The following ROR2 variants were observed in gnomAD, a reference collection of about 807,000 sequenced individuals.
The protein encoded by ROR2 is tyrosine-protein kinase transmembrane receptor ROR2.
ROR2 carries 33 observed loss-of-function variants against 74.9 expected under a neutral mutation model. The ratio of observed to expected loss-of-function variants is 0.44; its 90% CI spans 0.33 to 0.59. The LOEUF (loss-of-function observed/expected upper bound fraction) is 0.59. Among genes scored for constraint, ROR2 ranks in the 20% least tolerant of loss-of-function variants. The probability of loss-of-function intolerance (pLI) is 0.02; values close to 1 mark genes in which losing one functional copy is unlikely to be tolerated. For missense variants in ROR2, 1,216 were observed against 1,313.8 expected (o/e 0.93, Z 1.15); for synonymous variants, 586 against 558.7 (o/e 1.05, Z -0.69).
At chr9:91,860,093 G>A (rs893033947) in intron 1 of ROR2, among the ~76,000 whole-genome samples, 3 of 152,200 alleles carry the variant, frequency 2.0e-5, no homozygotes, top group Non-Finnish European at 2.9e-5. Flanking sequence ...GGAAGGCACA[G>A]GGAGAAACAG....
chr9:91,942,542 C>A (rs1265882923), intron 1 of ROR2, among the ~76,000 whole-genome samples: 1 of 152,164 alleles, frequency 6.6e-6, no homozygotes, highest in African/African-American at 2.4e-5. Context: ...TCAGTTGGCA[C>A]TTTGCTCTAG....
chr9:91,863,033 C>T (rs1279937595), intron 1 of ROR2, among the ~76,000 whole-genome samples: 1 of 152,222 alleles, frequency 6.6e-6, no homozygotes, highest in Admixed American at 6.5e-5. Flanking sequence ...ATACTTCACA[C>T]CTACTAGTTC....
Position 91,723,274 on chromosome 9 carries a change from T to C in ROR2, c.*388A>G. 5.3e-6 allele frequency: 1 copy of C among 189,574 alleles called. No homozygotes were observed. The highest frequency in any genetic ancestry group is 1.1e-5 in the Non-Finnish European group (1 of 91,458). The allele number at this position is 189,574 out of a possible 1,614,324, so 11.7% of individuals were successfully genotyped here. A position where few individuals can be genotyped will look rare whatever the true frequency, so the allele number is the denominator to read the frequency against. ...CCCGAGGTGCCTCCTCGCTGCCTTT[T>C]GCAGGCCCTTATTCCCAACGTTTTG... is the stretch of plus-strand genomic sequence containing the variant. On this transcript the variant is annotated 3_prime_UTR_variant, in exon 9 of 9. Transcript: ENST00000375708.
chr9:91,938,068 G>C (rs533043475), intron 1 of ROR2, among the ~76,000 whole-genome samples: 30 of 152,244 alleles, frequency 2.0e-4, no homozygotes, highest in African/African-American at 7.2e-4. Context: ...GAGTAAATAA[G>C]TAAATAAACA....
rs1464738655 is a variant in ROR2 at position 91,750,782 on chromosome 9, T to C, written c.494+5289A>G. Among the ~76,000 whole-genome samples the C allele has an allele frequency of 3.9e-5, 6 of 152,164 alleles. No individual in the cohort carries two copies. In the East Asian group the frequency reaches 1.2e-3, roughly 29 times the overall value. ...GAGTGTTGATTTGGGGGACACGAAG[T>C]TTAGTGAATAAGCAAATTTGCAAAT... On this transcript the variant is annotated intron_variant, in intron 4 of 8. Transcript: ENST00000375708.
chr9:91,949,752 C>A (rs578247776), intron 1 of ROR2, 115 bp downstream of exon 1: 1 of 731,784 alleles, frequency 1.4e-6, no homozygotes, highest in African/African-American at 1.8e-5. Flanking sequence ...CCTGGCGCCC[C>A]TCGTTCAGGA....
At chr9:91,857,736 C>A (rs1214264266) in intron 1 of ROR2, among the ~76,000 whole-genome samples, 2 of 152,154 alleles carry the variant, frequency 1.3e-5, no homozygotes, top group African/African-American at 4.8e-5. Flanking sequence ...TCCGCCCCCT[C>A]CCCACAGCTC....
intron 1 of ROR2, among the ~76,000 whole-genome samples, chr9:91,901,678 T>C (rs1587833618): frequency 6.6e-6 from 1 of 151,782 alleles, no homozygotes; most frequent in Admixed American, 6.6e-5. Flanking sequence ...TAGCCAGGCA[T>C]GGTGGCATGC....
intron 1 of ROR2, among the ~76,000 whole-genome samples, chr9:91,888,442 C>T (rs970174616): frequency 2.6e-5 from 4 of 152,148 alleles, no homozygotes; most frequent in Non-Finnish European, 5.9e-5. Flanking sequence ...TTCCACTGGA[C>T]GCTGATACCC....
At chr9:91,736,810 T>C (rs1185298394) in intron 5 of ROR2, among the ~76,000 whole-genome samples, 1 of 152,198 alleles carries the variant, frequency 6.6e-6, no homozygotes, top group African/African-American at 2.4e-5. Flanking sequence ...CTAATTGACT[T>C]GCCACTTTCT....
At chr9:91,918,193 G>A (rs1437297874) in intron 1 of ROR2, among the ~76,000 whole-genome samples, 4 of 151,462 alleles carry the variant, frequency 2.6e-5, no homozygotes, top group Non-Finnish European at 4.4e-5. Context: ...GTGTGAATCC[G>A]GGAGGCGGAG....
rs143738026 is a variant in ROR2, at chr9:91,724,695, G to A, written c.1799C>T (p.Ala600Val). The A allele has an allele frequency of 5.3e-5, 86 of 1,614,068 alleles. No individual in the cohort carries two copies. The highest frequency in any genetic ancestry group is 1.6e-4 in the Middle Eastern group (1 of 6,084). The change falls in exon 9 of 9, where the codon GCG (alanine) becomes GTG (valine). Residue 600 changes from alanine (A) to valine (V), a missense_variant. Coordinates refer to ENST00000375708, the MANE Select transcript of ROR2 (RefSeq NM_004560.4). ...PDFVHLVAQIAAGMEYLSSHH... is the reference protein window; with the variant it reads ...PDFVHLVAQIVAGMEYLSSHH... ...GCTGGATAGGTACTCCATCCCCGCC[G>A]CGATCTGTGCCACAAGGTGCACGAA...
chr9:91,911,261 G>A (rs1032253957), intron 1 of ROR2, among the ~76,000 whole-genome samples: 7 of 152,172 alleles, frequency 4.6e-5, no homozygotes, highest in South Asian at 2.1e-4. Context: ...TGAGAAATGC[G>A]TCTTCAGGCC....
chr9:91,817,295 G>A (rs1827972825), intron 1 of ROR2, among the ~76,000 whole-genome samples: 1 of 152,252 alleles, frequency 6.6e-6, no homozygotes, highest in South Asian at 2.1e-4. Context: ...CCAGGACCCT[G>A]GCGTGCCTCC....
At chr9:91,876,816 G>A (rs572642982) in intron 1 of ROR2, among the ~76,000 whole-genome samples, 2 of 152,202 alleles carry the variant, frequency 1.3e-5, no homozygotes, top group Admixed American at 6.5e-5. Flanking sequence ...ACAGTGAGGA[G>A]AAGAAAGAAG....
intron 2 of ROR2, among the ~76,000 whole-genome samples, chr9:91,769,262 C>T (rs1587702045): frequency 6.6e-6 from 1 of 152,240 alleles, no homozygotes; most frequent in East Asian, 1.9e-4. Context: ...GATGTGGACA[C>T]TGGACACTGG....
intron 1 of ROR2, among the ~76,000 whole-genome samples, chr9:91,913,105 AGCAACAGAGTGAG>A (rs1831036382): frequency 6.6e-6 from 1 of 152,182 alleles, no homozygotes; most frequent in Non-Finnish European, 1.5e-5. Flanking sequence ...CTCCAGCCTG[AGCAACAGAGTGAG>A]AGACTCCATC....
At position 91,724,638 on chromosome 9, in the gene ROR2, C is replaced by T. The variant is rs779165681; in HGVS notation, c.1856G>A (p.Arg619His). ...CAGCTTGTCGTACACTAGCACATTG[C>T]GGGTGGCCAGGTCCTTGTGAACCAC... ...HHVVHKDLAT[R>H]NVLVYDKLNV... The change falls in exon 9 of 9, where the codon CGC becomes CAC. Residue 619 changes from arginine (R) to histidine (H), a missense_variant. Transcript: ENST00000375708. 3 of 1,614,208 alleles carry T rather than the reference C, an allele frequency of 1.9e-6. No individual in the cohort carries two copies. Among genetic ancestry groups the T allele is most frequent in the Non-Finnish European group, 2.5e-6 (3 of 1,180,046 alleles).
At chr9:91,835,043 C>G (rs182481519) in intron 1 of ROR2, among the ~76,000 whole-genome samples, 3 of 152,176 alleles carry the variant, frequency 2.0e-5, no homozygotes, top group Middle Eastern at 3.2e-3. Context: ...TGAGGCCAGG[C>G]ATGTCTTACA....
Sources: gnomAD v4.1 joint callset for allele counts (sites outside exome capture counted in the v4.1 genomes callset) on GRCh38, gnomAD v4.1.1 for gene constraint, MANE v1.5 for transcripts, NCBI Gene and HGNC (gene_info 2026-07-23, HGNC 2026-07-21) for gene names.